Variants in SLC9A7 observed in about 807,000 individuals in gnomAD.
SLC9A7 encodes solute carrier family 9 member A7, also known as sodium/hydrogen exchanger 7.
SLC9A7 carries 19 observed loss-of-function variants against 52.6 expected under a neutral mutation model. That is an observed-to-expected ratio of 0.36 (90% CI 0.25 to 0.53). The LOEUF is 0.53. Among genes scored for constraint, SLC9A7 ranks in the 20% least tolerant of loss-of-function variants. SLC9A7 has a pLI of 0.91. For synonymous variants in SLC9A7, 226 were observed against 252.1 expected (o/e 0.90, Z 0.98); for missense variants, 455 against 597.9 (o/e 0.76, Z 2.49).
At chrX:46,607,369 C>T (rs1226838852) in intron 16 of SLC9A7, among the ~76,000 whole-genome samples, 166 bp from the exon 17 acceptor site, 3 of 111,052 alleles carry the variant, frequency 2.7e-5, no homozygotes, top group East Asian at 5.7e-4. Context: ...TGTAGAGGGC[C>T]GGGCACGGTT....
At chrX:46,672,213 C>T (rs1944036100) in intron 4 of SLC9A7, among the ~76,000 whole-genome samples, 1 of 111,547 alleles carries the variant, frequency 9.0e-6, no homozygotes, top group Non-Finnish European at 1.9e-5. Flanking sequence ...TTTCTGAGTA[C>T]TTCCTTACTT....
intron 11 of SLC9A7, 59 bp downstream of exon 11, chrX:46,648,627 A>G: frequency 1.1e-6 from 1 of 879,625 alleles, no homozygotes; most frequent in Non-Finnish European, 1.7e-6. Context: ...TTACATTTTA[A>G]TCATATTCTT....
At chrX:46,608,324 G>A (rs1226410925) in intron 16 of SLC9A7, among the ~76,000 whole-genome samples, 2 of 112,750 alleles carry the variant, frequency 1.8e-5, no homozygotes, top group Non-Finnish European at 3.8e-5. Context: ...ACTTATTTCT[G>A]TGCACTCACT....
chrX:46,674,462 C>T lies in SLC9A7; in HGVS notation c.604-1835G>A, dbSNP rs187339941. 1.8e-4 allele frequency among the ~76,000 whole-genome samples: 20 copies of T among 111,806 alleles called. No individual in the cohort carries two copies. The East Asian group carries it at 5.3e-3, about 30-fold the overall frequency. ...CACAAAGTGTTTTCACATATATTAG[C>T]CCATCCAATTCTCACAATGATCTAT... is the stretch of plus-strand genomic sequence containing the variant. On this transcript the variant is annotated intron_variant, in intron 3 of 16. Coordinates refer to ENST00000616978, the MANE Select transcript of SLC9A7 (RefSeq NM_001257291.2).
intron 1 of SLC9A7, among the ~76,000 whole-genome samples, chrX:46,758,104 T>C (rs1922813222): frequency 8.9e-6 from 1 of 111,820 alleles, no homozygotes; most frequent in Non-Finnish European, 1.9e-5. Flanking sequence ...AGGCCTGACA[T>C]GGTGGTGCCA....
Position 46,728,783 on chromosome X carries a change from C to T in SLC9A7, c.325+29922G>A, listed in dbSNP as rs188145132. ...AATATATAAGTAAACTGTGATATAT[C>T]CAGACAATTGAATATTACTCAGCAA... On this transcript the variant is annotated intron_variant, in intron 1 of 16. Transcript: ENST00000616978. Among the ~76,000 whole-genome samples the T allele has an allele frequency of 5.5e-3, 623 of 112,291 alleles. 5 individuals carry two copies. The highest frequency in any genetic ancestry group is 0.013 in the South Asian group (36 of 2,733).
chrX:46,730,155 A>G (rs1945004991), intron 1 of SLC9A7, among the ~76,000 whole-genome samples: 1 of 111,474 alleles, frequency 9.0e-6, no homozygotes, highest in South Asian at 3.7e-4. Context: ...CATTTACACT[A>G]GAAATCCTAA....
intron 16 of SLC9A7, among the ~76,000 whole-genome samples, chrX:46,607,781 G>A (rs6521132): frequency 0.33 from 36,615 of 110,465 alleles, 5,821 homozygotes; most frequent in African/African-American, 0.6. Flanking sequence ...TCAAATGATC[G>A]AGGGAGAGCA....
intron 7 of SLC9A7, among the ~76,000 whole-genome samples, chrX:46,655,653 G>A (rs1382948116): frequency 8.9e-6 from 1 of 112,485 alleles, no homozygotes; most frequent in East Asian, 2.8e-4. Context: ...CGAATACTGC[G>A]CTTTTCCGAT....
At chrX:46,649,523 C>T (rs1291611001) in intron 10 of SLC9A7, among the ~76,000 whole-genome samples, 1 of 111,818 alleles carries the variant, frequency 8.9e-6, no homozygotes, top group Non-Finnish European at 1.9e-5. Context: ...GGAAACTGGT[C>T]CTTTGTTACT....
intron 7 of SLC9A7, among the ~76,000 whole-genome samples, chrX:46,660,004 A>G (rs1943784303): frequency 9.0e-6 from 1 of 110,629 alleles, no homozygotes. Context: ...ACAGCATGAT[A>G]CTGGTACCAA....
intron 1 of SLC9A7, among the ~76,000 whole-genome samples, chrX:46,748,120 G>A (rs146693120): frequency 0.013 from 1,416 of 111,074 alleles, 21 homozygotes; most frequent in African/African-American, 0.043. Flanking sequence ...GCCGAGGTGG[G>A]TGAATCACCT....
In SLC9A7 at chrX:46,607,087, G is replaced by C. The variant is rs1327523490; in HGVS notation, c.2046C>G (p.Ala682=). Residue 682 remains alanine (A), a synonymous_variant, in exon 17 of 17, where the codon GCC becomes GCG. Coordinates refer to ENST00000616978, the MANE Select transcript of SLC9A7 (RefSeq NM_001257291.2). ...TCCGGCTGCCCTCCAGACTCGTGGA[G>C]GCGGTGTGCGAACTTGAGGAGCCAT... ...TANGSSSSHT[A]STSLEGSRRT... 6.6e-6 allele frequency: 8 copies of C among 1,209,641 alleles called. No homozygotes were observed. The Admixed American group carries it at 8.7e-5, about 13-fold the overall frequency.
chrX:46,631,611 T>C lies in SLC9A7; in HGVS notation c.1715A>G (p.Asn572Ser), dbSNP rs753680916. 4 of 1,210,311 alleles carry C rather than the reference T, an allele frequency of 3.3e-6. No individual in the cohort carries two copies. Among genetic ancestry groups the C allele is most frequent in the Admixed American group, 2.2e-5 (1 of 46,012 alleles). The change falls in exon 14 of 17, where the codon AAC (asparagine) becomes AGC (serine). Residue 572 changes from asparagine to serine, a missense_variant. By Grantham distance (46) the Asn-to-Ser change is conservative (BLOSUM62 1). This residue lies in a region of SLC9A7 where 146 missense variants were observed against 160.5 expected (regional missense o/e 0.91). Transcript: ENST00000616978. ...VDPDQDPPPN[N>S]DSFQVLQGDG... ...CCCTTGTAAGACTTGAAAGCTGTCG[T>C]TGTTGGGTGGTGGGTCTTGATCGGG...
At chrX:46,637,138 T>A (rs1371105639) in intron 12 of SLC9A7, among the ~76,000 whole-genome samples, 2 of 112,315 alleles carry the variant, frequency 1.8e-5, no homozygotes, top group African/African-American at 6.5e-5. Context: ...AGAGAATTTT[T>A]CATTGCATTA....
chrX:46,666,504 C>T (rs773361249), intron 5 of SLC9A7, among the ~76,000 whole-genome samples: 1 of 112,238 alleles, frequency 8.9e-6, no homozygotes, highest in East Asian at 2.8e-4. Flanking sequence ...AGGAATATTT[C>T]TATTTAAAAA....
chrX:46,696,089 G>A (rs1018856042), intron 1 of SLC9A7, among the ~76,000 whole-genome samples: 2 of 110,193 alleles, frequency 1.8e-5, no homozygotes, highest in Non-Finnish European at 3.8e-5. Context: ...GGGTTCAAGC[G>A]ATCCTCCTGC....
In SLC9A7 at chrX:46,651,274, T is replaced by A. The variant is rs753861122; in HGVS notation, c.1236+42A>T. On this transcript the variant is annotated intron_variant, in intron 9 of 16. Coordinates refer to ENST00000616978, the MANE Select transcript of SLC9A7 (RefSeq NM_001257291.2). ...TGTAACCCTGCAGTTCCCCCTTCCCTGTGTTAACAAGCAACTCGTGAGTAC... is the reference window on the plus strand; with the variant it reads ...TGTAACCCTGCAGTTCCCCCTTCCCAGTGTTAACAAGCAACTCGTGAGTAC... The A allele has an allele frequency of 8.5e-6, 10 of 1,182,100 alleles. No homozygotes were observed. The South Asian group carries it at 1.4e-4, about 17-fold the overall frequency.
intron 7 of SLC9A7, among the ~76,000 whole-genome samples, chrX:46,657,847 G>C (rs1240031453): frequency 1.9e-5 from 2 of 105,286 alleles, no homozygotes; most frequent in Admixed American, 2.1e-4. Context: ...CCCAGGAATT[G>C]AACTCAGCTC....
Sources: gnomAD v4.1 joint callset for allele counts (sites outside exome capture counted in the v4.1 genomes callset) on GRCh38, gnomAD v4.1.1 for gene constraint, gnomAD v4.1.1 regional missense constraint, MANE v1.5 for transcripts, NCBI Gene and HGNC (gene_info 2026-07-23, HGNC 2026-07-21) for gene names.